ESPL1: variants seen among roughly 807,000 people sequenced by gnomAD.
The protein encoded by ESPL1 is separin.
ESPL1 carries 50 observed loss-of-function variants against 217.2 expected under a neutral mutation model. That is an observed-to-expected ratio of 0.23 (90% confidence interval 0.18 to 0.29). ESPL1 has a LOEUF of 0.29. Among genes scored for constraint, ESPL1 ranks in the 10% least tolerant of loss-of-function variants. The probability of loss-of-function intolerance (pLI) is 1.00; values close to 1 mark genes in which losing one functional copy is unlikely to be tolerated. For missense variants in ESPL1, 1,834 were observed against 2,603.0 expected, an observed-to-expected ratio of 0.70 and a Z score of 6.43; for synonymous variants, 994 against 1,081.3, an observed-to-expected ratio of 0.92 and a Z score of 1.58.
rs1306288720 is a variant in ESPL1 at position 53,292,791 on chromosome 12, C to A, written c.5997-15C>A. ...ATTACTAGCTCAAGACTCATCTCACCTCCTTCTGCCTTAGCTATGCAGGGC... is the reference window on the plus strand; with the variant it reads ...ATTACTAGCTCAAGACTCATCTCACATCCTTCTGCCTTAGCTATGCAGGGC... On this transcript the variant is annotated splice_polypyrimidine_tract_variant and intron_variant, in intron 29 of 30. Transcript: ENST00000257934. The surrounding 1 kb of genome is among the most constrained non-coding windows in gnomAD (Gnocchi z 4.5). 22 of 1,607,280 alleles carry A rather than the reference C, an allele frequency of 1.4e-5. No homozygotes were observed. Among genetic ancestry groups the A allele is most frequent in the Non-Finnish European group, 1.7e-5 (20 of 1,179,664 alleles).
Position 53,270,393 on chromosome 12 carries a change from T to C in ESPL1, c.1159T>C (p.Ser387Pro), listed in dbSNP as rs2120874902. 1.9e-6 allele frequency: 3 copies of C among 1,613,232 alleles called. No homozygotes were observed. The highest frequency in any genetic ancestry group is 1.7e-6 in the Non-Finnish European group (2 of 1,179,190). The change falls in exon 4 of 31, where the codon TCC becomes CCC. Residue 387 changes from serine to proline, a missense_variant. By Grantham distance (74) the Ser-to-Pro change is moderately conservative (BLOSUM62 -1). Transcript: ENST00000257934. ...CCTTCCTCAGGTGTATGGGGGCTCC[T>C]CCAAGCAACAGCAGTCTTTTCTTCA... ...LRDDGVYGGS[S>P]KQQQSFLQMY...
chr12:53,283,486 G>A lies in ESPL1; in HGVS notation c.3025G>A (p.Ala1009Thr), dbSNP rs747561093. The A allele has an allele frequency of 1.4e-5, 23 of 1,614,080 alleles. No individual in the cohort carries two copies. In the African/African-American group the frequency reaches 3.1e-4, roughly 22 times the overall value. ...CCTGGGTAGTGTGAGTGAAGCCAAG[G>A]CCTTTTGCTTGGAGGCCCTAAAACT... ...GRLGSVSEAK[A>T]FCLEALKLTT... The change falls in exon 16 of 31, where the codon GCC becomes ACC. Residue 1009 changes from alanine to threonine, a missense_variant. This residue lies in a region of ESPL1 where 107 missense variants were observed against 171.7 expected (regional missense o/e 0.62). Transcript: ENST00000257934.
At chr12:53,272,570 C>T (rs1010074197) in intron 5 of ESPL1, 151 bp from the exon 6 acceptor site, 11 of 843,056 alleles carry the variant, frequency 1.3e-5, no homozygotes, top group African/African-American at 3.4e-5. Context: ...AGGGGAGAGC[C>T]GCCCCTTCCC....
chr12:53,289,013 C>T (rs1254794603), intron 20 of ESPL1, 77 bp from the exon 21 acceptor site: 26 of 1,178,256 alleles, frequency 2.2e-5, no homozygotes, highest in Non-Finnish European at 3.0e-5. Context: ...GAGATAGGGA[C>T]TGTTCCTTCT....
chr12:53,277,833 G>A lies in ESPL1; in HGVS notation c.2237G>A (p.Cys746Tyr). Residue 746 changes from cysteine to tyrosine, a missense_variant, in exon 11 of 31, where the codon TGC becomes TAC. Physicochemically the swap from Cys to Tyr is radical, Grantham distance 194 (BLOSUM62 -2). Coordinates refer to ENST00000257934, the MANE Select transcript of ESPL1 (RefSeq NM_012291.5). Reference protein sequence around the residue: ...NLAADAAQSKCLDQALALWKE... With the variant: ...NLAADAAQSKYLDQALALWKE... ...TCTGGCTTAACAGCTCAGTCCAAAT[G>A]CCTGGACCAAGCCCTGGCCCTGTGG... is the stretch of plus-strand genomic sequence containing the variant. 6.2e-7 allele frequency: 1 copy of A among 1,614,130 alleles called. No individual in the cohort carries two copies. The highest frequency in any genetic ancestry group is 8.5e-7 in the Non-Finnish European group (1 of 1,179,988).
At position 53,291,682 on chromosome 12, in the gene ESPL1, C is replaced by T. The variant is rs750721055; in HGVS notation, c.5521-8C>T. The T allele has an allele frequency of 1.2e-6, 2 of 1,612,708 alleles. No homozygotes were observed. The highest frequency in any genetic ancestry group is 3.4e-5 in the Admixed American group (2 of 59,644). ...AAGATGGTGCTCACCACCACTGTTTCCCTGCAGATCATGCTCAGTGGTGCC... is the reference window on the plus strand; with the variant it reads ...AAGATGGTGCTCACCACCACTGTTTTCCTGCAGATCATGCTCAGTGGTGCC... On this transcript the variant is annotated splice_polypyrimidine_tract_variant and splice_region_variant and intron_variant, in intron 25 of 30. Coordinates refer to ENST00000257934, the MANE Select transcript of ESPL1 (RefSeq NM_012291.5).
At chr12:53,278,232 T>C (rs1363855347) in intron 11 of ESPL1, among the ~76,000 whole-genome samples, 4 of 152,138 alleles carry the variant, frequency 2.6e-5, no homozygotes, top group Non-Finnish European at 5.9e-5. Flanking sequence ...AGTGCAGCAG[T>C]GCATGGAAGA....
chr12:53,273,836 G>GTTT (rs71096001), intron 6 of ESPL1, among the ~76,000 whole-genome samples: 20 of 63,170 alleles, frequency 3.2e-4, no homozygotes, highest in Non-Finnish European at 4.0e-4. Context: ...TGGTTTTTTG[G>GTTT]TTTTTTTTTT....
chr12:53,290,584 A>G, intron 24 of ESPL1, 115 bp downstream of exon 24: 1 of 1,100,966 alleles, frequency 9.1e-7, no homozygotes, highest in Non-Finnish European at 1.3e-6. Flanking sequence ...TCCCTTCTGG[A>G]AGTGTAGACC....
chr12:53,278,068 G>A (rs2120917960), intron 11 of ESPL1, 108 bp downstream of exon 11: 2 of 1,149,338 alleles, frequency 1.7e-6, no homozygotes, highest in Non-Finnish European at 1.3e-6. Context: ...ATGAAAGCCA[G>A]TGATGGAAGC....
chr12:53,283,043 A>G (rs2120947058), intron 14 of ESPL1, 86 bp from the exon 15 acceptor site: 1 of 1,553,932 alleles, frequency 6.4e-7, no homozygotes, highest in Middle Eastern at 2.2e-4. Context: ...AGAAGGAAGC[A>G]TGGGAAGCAG....
intron 19 of ESPL1, 22 bp downstream of exon 19, chr12:53,288,363 G>A: frequency 1.9e-6 from 3 of 1,573,540 alleles, no homozygotes; most frequent in Non-Finnish European, 1.7e-6. Flanking sequence ...AGGGTGAGGT[G>A]GAAGGTGCAT....
rs1944086882 is a variant in ESPL1, at chr12:53,292,893, C to T, written c.6084C>T (p.Gly2028=). The T allele has an allele frequency of 6.2e-7, 1 of 1,613,716 alleles. No individual in the cohort carries two copies. Among genetic ancestry groups the T allele is most frequent in the Non-Finnish European group, 8.5e-7 (1 of 1,180,002 alleles). ...LSCRAVALLF[G]CSSAALAVRG... ...GTCGGGCAGTGGCCCTGCTGTTTGG[C>T]TGTAGCAGTGCGGCCCTGGCTGTGC... Residue 2028 remains glycine, a synonymous_variant, in exon 30 of 31, where the codon GGC becomes GGT. Coordinates refer to ENST00000257934, the MANE Select transcript of ESPL1 (RefSeq NM_012291.5). This position sits in a 1 kb window ranked among gnomAD's most constrained non-coding sequence, Gnocchi z 4.5.
chr12:53,291,626 C>T, intron 25 of ESPL1, 64 bp from the exon 26 acceptor site: 1 of 1,515,626 alleles, frequency 6.6e-7, no homozygotes, highest in Non-Finnish European at 9.0e-7. Flanking sequence ...AGAAACTGGA[C>T]TTAATCCTTT....
intron 11 of ESPL1, among the ~76,000 whole-genome samples, chr12:53,278,405 G>C (rs951553391): frequency 1.3e-5 from 2 of 151,440 alleles, no homozygotes; most frequent in African/African-American, 4.8e-5. Flanking sequence ...TGAGCCAGGA[G>C]GTAGAGGTTG....
chr12:53,272,678 G>T, intron 5 of ESPL1, 43 bp from the exon 6 acceptor site: 1 of 1,600,632 alleles, frequency 6.2e-7, no homozygotes, highest in South Asian at 1.1e-5. Flanking sequence ...AGAGGGTGGT[G>T]GGAGCCTTTC....
chr12:53,290,736 G>C, intron 24 of ESPL1, 105 bp from the exon 25 acceptor site: 1 of 74,306 alleles, frequency 1.3e-5, no homozygotes, highest in African/African-American at 2.6e-4. Context: ...ACGTAAGACA[G>C]ACATGCACAT....
At chr12:53,288,855 T>C in intron 20 of ESPL1, 156 bp downstream of exon 20, 1 of 742,628 alleles carries the variant, frequency 1.3e-6, no homozygotes, top group South Asian at 1.8e-5. Context: ...TGTGTGCAGG[T>C]CACTTAACCT....
rs775459715 is a variant in ESPL1 at position 53,289,283 on chromosome 12, C to T, written c.4902C>T (p.Thr1634=). 2.5e-6 allele frequency: 4 copies of T among 1,611,798 alleles called. No homozygotes were observed. The highest frequency in any genetic ancestry group is 3.3e-4 in the Middle Eastern group (2 of 6,062). The change falls in exon 21 of 31, where the codon ACC becomes ACT. Residue 1634 remains threonine, a synonymous_variant. Transcript: ENST00000257934. ...TCACCTGTCGCCACCAGCTGCTCAC[C>T]CACCTCCACAGACAGCTCAGGTGGG... The part of the protein sequence containing the change: ...VSITCRHQLL[T]HLHRQLSKAQ...
Sources: gnomAD v4.1 joint callset for allele counts (sites outside exome capture counted in the v4.1 genomes callset) on GRCh38, gnomAD v4.1.1 for gene constraint, gnomAD v4.1.1 regional missense constraint, Gnocchi (gnomAD v3.1) non-coding constraint, MANE v1.5 for transcripts, NCBI Gene and HGNC (gene_info 2026-07-23, HGNC 2026-07-21) for gene names.